The following DAB2IP variants were observed in gnomAD, a reference collection of about 807,000 sequenced individuals.
The protein encoded by DAB2IP is disabled homolog 2-interacting protein.
DAB2IP carries 28 observed loss-of-function variants against 107.2 expected under a neutral mutation model. That is an observed-to-expected ratio of 0.26 (90% CI 0.19 to 0.36). The LOEUF (loss-of-function observed/expected upper bound fraction) is 0.36, where lower values mean the gene tolerates loss of function less well. Among genes scored for constraint, DAB2IP ranks in the 10% least tolerant of loss-of-function variants. The pLI is 1.00. For synonymous variants in DAB2IP, 755 were observed against 706.4 expected (o/e 1.07, Z -1.09); for missense variants, 1,400 against 1,644.7 (o/e 0.85, Z 2.57).
intron 1 of DAB2IP, among the ~76,000 whole-genome samples, chr9:121,588,777 C>A (rs577802279): frequency 4.8e-4 from 73 of 152,078 alleles, no homozygotes; most frequent in African/African-American, 1.4e-3. Context: ...ACTTTTATGA[C>A]CCTGGGTTGG....
At chr9:121,714,529 A>G (rs565709513) in intron 3 of DAB2IP, among the ~76,000 whole-genome samples, 1 of 152,274 alleles carries the variant, frequency 6.6e-6, no homozygotes, top group South Asian at 2.1e-4. Flanking sequence ...TAGAGGCTGG[A>G]CTCAGGAGTT....
chr9:121,594,893 T>A (rs1436047270), intron 1 of DAB2IP, among the ~76,000 whole-genome samples: 2 of 152,122 alleles, frequency 1.3e-5, no homozygotes, highest in East Asian at 3.8e-4. Context: ...ATAGGAGAAG[T>A]AGGCACTGAC....
chr9:121,668,907 C>CTTT (rs377320590), intron 1 of DAB2IP, among the ~76,000 whole-genome samples: 779 of 72,150 alleles, frequency 0.011, 17 homozygotes, highest in Non-Finnish European at 0.015. Flanking sequence ...GTAAGCCTTA[C>CTTT]TTTTTTTTTT....
intron 1 of DAB2IP, among the ~76,000 whole-genome samples, chr9:121,577,456 G>T (rs1830090543): frequency 6.6e-6 from 1 of 152,248 alleles, no homozygotes; most frequent in Non-Finnish European, 1.5e-5. Flanking sequence ...GCTCCACGGT[G>T]TGTCTGCCAG....
At chr9:121,708,388 C>T (rs540811769) in intron 3 of DAB2IP, among the ~76,000 whole-genome samples, 67 of 152,270 alleles carry the variant, frequency 4.4e-4, no homozygotes, top group African/African-American at 1.5e-3. Context: ...TGAAATAAAC[C>T]CTCTCCCTCC....
intron 3 of DAB2IP, among the ~76,000 whole-genome samples, chr9:121,717,935 A>G (rs1830699634): frequency 6.6e-6 from 1 of 152,070 alleles, no homozygotes; most frequent in South Asian, 2.1e-4. Context: ...GGGCCGCGTT[A>G]TGACAGTCTT....
intron 3 of DAB2IP, chr9:121,737,755 A>G: frequency 1.0e-6 from 1 of 985,430 alleles, no homozygotes; most frequent in Non-Finnish European, 1.2e-6. Flanking sequence ...CAGACACCAC[A>G]AGGAAACTTC....
Position 121,763,724 on chromosome 9 carries a change from C to T in DAB2IP, c.1316-11C>T, listed in dbSNP as rs966279469. The T allele has an allele frequency of 5.0e-6, 8 of 1,613,360 alleles. No homozygotes were observed. The highest frequency in any genetic ancestry group is 6.8e-6 in the Non-Finnish European group (8 of 1,179,592). ...GTCCTCACTCCCCACTCCCTGCCCA[C>T]TTGTCCATAGGTGAGTTCATCAAAG... is the stretch of plus-strand genomic sequence containing the variant. On this transcript the variant is annotated splice_polypyrimidine_tract_variant and intron_variant, in intron 7 of 15. Transcript: ENST00000408936.
chr9:121,591,404 G>A (rs938747117), intron 1 of DAB2IP, among the ~76,000 whole-genome samples: 4 of 152,248 alleles, frequency 2.6e-5, no homozygotes, highest in Admixed American at 6.5e-5. Context: ...AGGAGGTGGA[G>A]GTTGCAATGA....
At chr9:121,747,916 G>GT (rs1832830794) in intron 3 of DAB2IP, among the ~76,000 whole-genome samples, 2 of 151,572 alleles carry the variant, frequency 1.3e-5, no homozygotes, top group African/African-American at 4.8e-5. Context: ...GTTCCTGAAT[G>GT]TTTTTTGAAA....
intron 3 of DAB2IP, among the ~76,000 whole-genome samples, chr9:121,707,195 TAG>T (rs1300401492): frequency 8.5e-5 from 13 of 152,314 alleles, no homozygotes; most frequent in Admixed American, 5.9e-4. Flanking sequence ...CAGAGGCATT[TAG>T]AGTTGGCCTG....
chr9:121,598,101 G>T (rs1355913473), intron 1 of DAB2IP, among the ~76,000 whole-genome samples: 1 of 152,222 alleles, frequency 6.6e-6, no homozygotes, highest in Non-Finnish European at 1.5e-5. Context: ...TTTTTGGCGT[G>T]CAGTTGGGCC....
At chr9:121,594,427 AGGT>A (rs1830484835) in intron 1 of DAB2IP, among the ~76,000 whole-genome samples, 2 of 150,558 alleles carry the variant, frequency 1.3e-5, no homozygotes, top group Non-Finnish European at 3.0e-5. Context: ...AGTAGAGATG[AGGT>A]TTCACCATGT....
At chr9:121,735,589 G>C (rs1369852521) in intron 3 of DAB2IP, among the ~76,000 whole-genome samples, 1 of 152,192 alleles carries the variant, frequency 6.6e-6, no homozygotes, top group African/African-American at 2.4e-5. Context: ...TGTGGCTCTT[G>C]TTCTCCCACT....
At chr9:121,726,320 G>A (rs1195657708) in intron 3 of DAB2IP, among the ~76,000 whole-genome samples, 3 of 152,228 alleles carry the variant, frequency 2.0e-5, no homozygotes, top group African/African-American at 7.2e-5. Context: ...CCTAGGGAGG[G>A]CATGGAAGCT....
chr9:121,740,545 G>A (rs1589617046), intron 3 of DAB2IP, among the ~76,000 whole-genome samples: 1 of 152,216 alleles, frequency 6.6e-6, no homozygotes, highest in Non-Finnish European at 1.5e-5. Flanking sequence ...GGCTTCTGGA[G>A]AAGTTTGAGA....
At chr9:121,578,626 C>A (rs910520065) in intron 1 of DAB2IP, among the ~76,000 whole-genome samples, 2 of 151,588 alleles carry the variant, frequency 1.3e-5, no homozygotes. Flanking sequence ...TGAGGACCCC[C>A]CCATCGACCT....
chr9:121,590,395 A>G (rs777636277), intron 1 of DAB2IP, among the ~76,000 whole-genome samples: 10 of 151,690 alleles, frequency 6.6e-5, no homozygotes, highest in Non-Finnish European at 1.5e-4. Flanking sequence ...CACTTCCATC[A>G]TCAGGTAAGG....
chr9:121,753,523 C>T (rs1416129930), intron 3 of DAB2IP, among the ~76,000 whole-genome samples: 1 of 152,232 alleles, frequency 6.6e-6, no homozygotes, highest in African/African-American at 2.4e-5. Context: ...CCCCCAGATA[C>T]CACACCACAT....
Sources: gnomAD v4.1 joint callset for allele counts (sites outside exome capture counted in the v4.1 genomes callset) on GRCh38, gnomAD v4.1.1 for gene constraint, MANE v1.5 for transcripts, NCBI Gene and HGNC (gene_info 2026-07-23, HGNC 2026-07-21) for gene names.